MAF: variants seen among roughly 807,000 people sequenced by gnomAD.
MAF encodes the protein transcription factor Maf.
A neutral mutation model predicts 22.0 loss-of-function variants in MAF; 10 were observed. The ratio of observed to expected loss-of-function variants is 0.45; its 90% CI spans 0.28 to 0.77. The LOEUF is 0.77. Among genes scored for constraint, MAF ranks in the 30% least tolerant of loss-of-function variants. MAF has a pLI of 0.12. For missense variants in MAF, 544 were observed against 548.4 expected, an observed-to-expected ratio of 0.99 and a Z score of 0.08; for synonymous variants, 337 against 255.8, an observed-to-expected ratio of 1.32 and a Z score of -3.03.
the MAF span, chr16:79,211,577 T>A: frequency 2.2e-5 from 35 of 1,571,836 alleles, no homozygotes; most frequent in South Asian, 2.0e-4. Context: ...TTTCTTAAAA[T>A]TTTTTTTTGT....
the MAF span, among the ~76,000 whole-genome samples, chr16:79,409,171 G>A: frequency 3.9e-5 from 6 of 152,136 alleles, no homozygotes; most frequent in East Asian, 1.9e-4. Flanking sequence ...CTTTTTAGGC[G>A]CCTTATAAAT....
At chr16:79,370,711 C>T in the MAF span, among the ~76,000 whole-genome samples, 1 of 152,306 alleles carries the variant, frequency 6.6e-6, no homozygotes, top group Non-Finnish European at 1.5e-5. Context: ...AAGCATATAT[C>T]AGATCCACTG....
chr16:79,368,317 G>T, the MAF span, among the ~76,000 whole-genome samples: 1 of 152,088 alleles, frequency 6.6e-6, no homozygotes, highest in African/African-American at 2.4e-5. Flanking sequence ...CATAAGAGAA[G>T]GTAATGGCAG....
chr16:79,216,160 G>GTATGTCGTGCACGTGTATATGTATA, the MAF span, among the ~76,000 whole-genome samples: 9 of 141,452 alleles, frequency 6.4e-5, no homozygotes, highest in East Asian at 4.3e-4. Flanking sequence ...ATCTGTATAT[G>GTATGTCGTGCACGTGTATATGTATA]TATGTCGTGC....
chr16:79,419,982 A>G, the MAF span, among the ~76,000 whole-genome samples: 9 of 150,432 alleles, frequency 6.0e-5, no homozygotes, highest in South Asian at 2.1e-4. Flanking sequence ...AATTCAGACA[A>G]TTTTTCAGAG....
chr16:79,481,598 A>T, the MAF span, among the ~76,000 whole-genome samples: 2 of 151,900 alleles, frequency 1.3e-5, no homozygotes, highest in Non-Finnish European at 2.9e-5. Flanking sequence ...CCATCCATCA[A>T]CCCAGGTATC....
chr16:79,338,905 C>G, the MAF span, among the ~76,000 whole-genome samples: 1 of 152,200 alleles, frequency 6.6e-6, no homozygotes, highest in Non-Finnish European at 1.5e-5. Flanking sequence ...CTCATGCTCT[C>G]TCTTCCATGA....
chr16:79,287,329 C>T, the MAF span, among the ~76,000 whole-genome samples: 1 of 152,228 alleles, frequency 6.6e-6, no homozygotes, highest in Non-Finnish European at 1.5e-5. Context: ...AGAGGAAGCA[C>T]TCCCGGGCCC....
the MAF span, among the ~76,000 whole-genome samples, chr16:79,480,220 A>G: frequency 2.4e-4 from 37 of 152,250 alleles, no homozygotes; most frequent in African/African-American, 8.2e-4. Context: ...AACCCATGGC[A>G]CACGGAAAGG....
At chr16:79,418,902 G>A in the MAF span, among the ~76,000 whole-genome samples, 2 of 152,176 alleles carry the variant, frequency 1.3e-5, no homozygotes, top group African/African-American at 2.4e-5. Context: ...TCCTCTGCTG[G>A]GGGCTGCTGC....
At chr16:79,485,533 C>G in the MAF span, among the ~76,000 whole-genome samples, 1 of 152,268 alleles carries the variant, frequency 6.6e-6, no homozygotes. Context: ...AACAACAGTC[C>G]TACAACTGTA....
At chr16:79,390,797 G>A in the MAF span, among the ~76,000 whole-genome samples, 2 of 152,124 alleles carry the variant, frequency 1.3e-5, no homozygotes, top group Non-Finnish European at 2.9e-5. Context: ...TGATAACCGG[G>A]CCACAGTGCT....
At chr16:79,282,589 G>A in the MAF span, among the ~76,000 whole-genome samples, 1 of 152,214 alleles carries the variant, frequency 6.6e-6, no homozygotes, top group Admixed American at 6.5e-5. Context: ...CAAAGGCTAC[G>A]GTAACAGAAT....
the MAF span, among the ~76,000 whole-genome samples, chr16:79,500,127 G>T: frequency 6.6e-6 from 1 of 152,228 alleles, no homozygotes; most frequent in Non-Finnish European, 1.5e-5. Context: ...TGACACCTCA[G>T]TTTCAGACGG....
At chr16:79,520,296 A>G in the MAF span, among the ~76,000 whole-genome samples, 4 of 152,108 alleles carry the variant, frequency 2.6e-5, no homozygotes, top group Admixed American at 6.5e-5. Flanking sequence ...TGAAGTTCTC[A>G]CCGTTGCCTA....
At chr16:79,328,788 CCT>C in the MAF span, among the ~76,000 whole-genome samples, 1 of 152,170 alleles carries the variant, frequency 6.6e-6, no homozygotes, top group East Asian at 1.9e-4. Context: ...AAGAACTGGT[CCT>C]CTCTCAATTG....
the MAF span, among the ~76,000 whole-genome samples, chr16:79,237,667 G>C: frequency 6.6e-6 from 1 of 152,038 alleles, no homozygotes; most frequent in Non-Finnish European, 1.5e-5. Flanking sequence ...CTATCCTATA[G>C]TTTTCTCAGC....
At chr16:79,473,936 G>T in the MAF span, among the ~76,000 whole-genome samples, 1 of 152,148 alleles carries the variant, frequency 6.6e-6, no homozygotes, top group African/African-American at 2.4e-5. Context: ...AGGGATTGGG[G>T]GTTATGGTTT....
the MAF span, among the ~76,000 whole-genome samples, chr16:79,354,822 A>G: frequency 3.3e-5 from 5 of 152,212 alleles, no homozygotes; most frequent in African/African-American, 4.8e-5. Context: ...AGGAACAAGA[A>G]TTGAATTCTA....
Sources: gnomAD v4.1 joint callset for allele counts (sites outside exome capture counted in the v4.1 genomes callset) on GRCh38, gnomAD v4.1.1 for gene constraint, MANE v1.5 for transcripts, NCBI Gene and HGNC (gene_info 2026-07-23, HGNC 2026-07-21) for gene names.